Variants in UBE2E2 observed in about 807,000 individuals in gnomAD.
The protein encoded by UBE2E2 is ubiquitin conjugating enzyme E2 E2, also known as ubiquitin-conjugating enzyme E2 E2.
In UBE2E2, 6 loss-of-function variants were observed where a neutral mutation model predicts 24.7. The ratio of observed to expected loss-of-function variants is 0.24; its 90% CI spans 0.13 to 0.48. The LOEUF is 0.48. UBE2E2 is among the 20% of genes least tolerant of loss of function. The pLI is 0.99. For missense variants in UBE2E2, 169 were observed against 245.0 expected, an observed-to-expected ratio of 0.69 and a Z score of 2.07; for synonymous variants, 104 against 83.6, an observed-to-expected ratio of 1.24 and a Z score of -1.33.
At chr3:23,300,715 C>A (rs998201640) in intron 3 of UBE2E2, among the ~76,000 whole-genome samples, 1 of 152,108 alleles carries the variant, frequency 6.6e-6, no homozygotes, top group African/African-American at 2.4e-5. Flanking sequence ...CTGCCCTTAA[C>A]ATTTTTTCCT....
intron 3 of UBE2E2, among the ~76,000 whole-genome samples, chr3:23,452,526 G>A (rs1698583714): frequency 6.6e-6 from 1 of 152,204 alleles, no homozygotes; most frequent in East Asian, 1.9e-4. Context: ...TAAAATATGG[G>A]AATTCTAGTG....
chr3:23,456,053 T>C lies in UBE2E2; in HGVS notation c.228-43555T>C, dbSNP rs1383794958. Among the ~76,000 whole-genome samples the C allele has an allele frequency of 4.6e-5, 7 of 152,242 alleles. 1 individual carries two copies. Among genetic ancestry groups the C allele is most frequent in the Non-Finnish European group, 1.0e-4 (7 of 68,044 alleles). ...TAATATTCTGAATCCTTTGTTGACA[T>C]TGCAACAGTGTTCATAGCATCTTTA... On this transcript the variant is annotated intron_variant, in intron 3 of 5. Coordinates refer to ENST00000396703, the MANE Select transcript of UBE2E2 (RefSeq NM_152653.4).
At chr3:23,396,732 T>A (rs78920875) in intron 3 of UBE2E2, among the ~76,000 whole-genome samples, 4,386 of 152,210 alleles carry the variant, frequency 0.029, 110 homozygotes, top group East Asian at 0.13. Flanking sequence ...GTAAATAACA[T>A]AATACAGGGA....
intron 3 of UBE2E2, among the ~76,000 whole-genome samples, chr3:23,422,646 T>A (rs1202183628): frequency 6.6e-6 from 1 of 152,188 alleles, no homozygotes; most frequent in Non-Finnish European, 1.5e-5. Context: ...ACTTGTGGGT[T>A]ATCAGGTGGA....
intron 3 of UBE2E2, among the ~76,000 whole-genome samples, chr3:23,252,237 A>G (rs1559456886): frequency 6.6e-6 from 1 of 152,196 alleles, no homozygotes; most frequent in Non-Finnish European, 1.5e-5. Context: ...GGGTGTCATC[A>G]CCATAAAAGT....
chr3:23,209,768 T>C (rs539969604), intron 2 of UBE2E2, among the ~76,000 whole-genome samples: 2 of 152,304 alleles, frequency 1.3e-5, no homozygotes, highest in South Asian at 4.1e-4. Context: ...TGTTTTCCTT[T>C]GGCTTAGTCA....
At chr3:23,498,265 A>G (rs1301123464) in intron 3 of UBE2E2, among the ~76,000 whole-genome samples, 1 of 152,160 alleles carries the variant, frequency 6.6e-6, no homozygotes, top group Non-Finnish European at 1.5e-5. Context: ...TTGCATTTAA[A>G]TATTTAATCC....
At chr3:23,402,743 C>CA (rs76859884) in intron 3 of UBE2E2, among the ~76,000 whole-genome samples, 23,735 of 152,198 alleles carry the variant, frequency 0.16, 1,968 homozygotes, top group South Asian at 0.21. Context: ...AGCAGTAGTA[C>CA]AAAGTCTCAT....
At chr3:23,567,275 C>A (rs922281177) in intron 5 of UBE2E2, among the ~76,000 whole-genome samples, 60 of 152,086 alleles carry the variant, frequency 3.9e-4, no homozygotes, top group African/African-American at 1.4e-3. Flanking sequence ...AATAGAACTG[C>A]CCACTTACTT....
At chr3:23,320,800 T>G (rs1694718994) in intron 3 of UBE2E2, among the ~76,000 whole-genome samples, 1 of 152,230 alleles carries the variant, frequency 6.6e-6, no homozygotes, top group South Asian at 2.1e-4. Context: ...CATCTCCTGT[T>G]AAGCTTTTGA....
At chr3:23,284,967 A>G (rs1414210611) in intron 3 of UBE2E2, among the ~76,000 whole-genome samples, 4 of 147,090 alleles carry the variant, frequency 2.7e-5, no homozygotes, top group Non-Finnish European at 5.9e-5. Flanking sequence ...AAAAAAATAT[A>G]TATATATATA....
At chr3:23,449,226 T>A (rs1698501485) in intron 3 of UBE2E2, among the ~76,000 whole-genome samples, 1 of 152,094 alleles carries the variant, frequency 6.6e-6, no homozygotes, top group African/African-American at 2.4e-5. Context: ...GTGAAAACAT[T>A]TGGTAAGTGT....
At chr3:23,335,705 T>C (rs1319224960) in intron 3 of UBE2E2, among the ~76,000 whole-genome samples, 1 of 152,120 alleles carries the variant, frequency 6.6e-6, no homozygotes, top group Non-Finnish European at 1.5e-5. Context: ...TGGCTAATTT[T>C]AAAATTTTTG....
At chr3:23,356,160 C>T (rs758976303) in intron 3 of UBE2E2, among the ~76,000 whole-genome samples, 1 of 152,136 alleles carries the variant, frequency 6.6e-6, no homozygotes, top group Admixed American at 6.6e-5. Flanking sequence ...GCAGTCTGGA[C>T]CTTACTCAGG....
intron 3 of UBE2E2, among the ~76,000 whole-genome samples, chr3:23,222,902 A>G (rs1696695431): frequency 6.6e-6 from 1 of 151,940 alleles, no homozygotes; most frequent in South Asian, 2.1e-4. Context: ...TGTTTGATCT[A>G]AGCCTTTTTA....
chr3:23,492,740 C>G (rs965341557), intron 3 of UBE2E2, among the ~76,000 whole-genome samples: 4 of 152,086 alleles, frequency 2.6e-5, no homozygotes, highest in Admixed American at 2.6e-4. Context: ...TATGTTCAAG[C>G]AAGGTTCTAA....
intron 3 of UBE2E2, among the ~76,000 whole-genome samples, chr3:23,338,919 G>A (rs1158273225): frequency 2.0e-5 from 3 of 152,144 alleles, no homozygotes; most frequent in Non-Finnish European, 4.4e-5. Flanking sequence ...GGTGAGAACA[G>A]TTAGTGGACA....
At chr3:23,462,906 A>T (rs1698837576) in intron 3 of UBE2E2, among the ~76,000 whole-genome samples, 1 of 152,104 alleles carries the variant, frequency 6.6e-6, no homozygotes, top group Admixed American at 6.6e-5. Flanking sequence ...TGTCTGTAAA[A>T]TTCGAATGGT....
chr3:23,485,349 G>A (rs1418392729), intron 3 of UBE2E2, among the ~76,000 whole-genome samples: 2 of 151,992 alleles, frequency 1.3e-5, no homozygotes, highest in East Asian at 3.9e-4. Context: ...ACCCACCTCG[G>A]TCCTCCCAAA....
Sources: gnomAD v4.1 joint callset for allele counts (sites outside exome capture counted in the v4.1 genomes callset) on GRCh38, gnomAD v4.1.1 for gene constraint, MANE v1.5 for transcripts, NCBI Gene and HGNC (gene_info 2026-07-23, HGNC 2026-07-21) for gene names.